The following BAZ2B variants were observed in gnomAD, a reference collection of about 807,000 sequenced individuals.
BAZ2B encodes the protein bromodomain adjacent to zinc finger domain protein 2B.
A neutral mutation model predicts 246.0 loss-of-function variants in BAZ2B; 91 were observed. The observed-to-expected ratio is 0.37, with a 90% CI of 0.31 to 0.44. BAZ2B has a LOEUF of 0.44. Among genes scored for constraint, BAZ2B ranks in the 20% least tolerant of loss-of-function variants. The pLI, the probability that BAZ2B is intolerant of heterozygous loss-of-function variation, is 1.00. For synonymous variants in BAZ2B, 855 were observed against 860.0 expected, an observed-to-expected ratio of 0.99 and a Z score of 0.10; for missense variants, 2,332 against 2,533.7, an observed-to-expected ratio of 0.92 and a Z score of 1.71.
intron 3 of BAZ2B, among the ~76,000 whole-genome samples, chr2:159,456,065 T>C (rs975745101): frequency 6.6e-6 from 1 of 151,994 alleles, no homozygotes; most frequent in Admixed American, 6.6e-5. Context: ...AAATAACAAT[T>C]CCTAAATTAT....
rs780010990 is a variant in BAZ2B, at chr2:159,439,079, T to C, written c.830A>G (p.Gln277Arg). ...DLEEDEEEED[Q>R]SIEESEDDDS... ...ATCATCTTCACTTTCTTCAATACTT[T>C]GATCTTCTTCTTCTTCATCTTCTTC... is the stretch of plus-strand genomic sequence containing the variant. The change falls in exon 7 of 37, where the codon CAA (glutamine) becomes CGA (arginine). Residue 277 changes from glutamine to arginine, a missense_variant. Physicochemically the swap from Gln to Arg is conservative, Grantham distance 43 (BLOSUM62 1). Coordinates refer to ENST00000392783, the MANE Select transcript of BAZ2B (RefSeq NM_013450.4). 1 of 1,613,952 alleles carries C rather than the reference T, an allele frequency of 6.2e-7. No individual in the cohort carries two copies. Among genetic ancestry groups the C allele is most frequent in the Admixed American group, 1.7e-5 (1 of 60,026 alleles).
chr2:159,594,916 AGC>A (rs780876200), intron 1 of BAZ2B, among the ~76,000 whole-genome samples: 10 of 152,044 alleles, frequency 6.6e-5, no homozygotes, highest in Non-Finnish European at 1.2e-4. Flanking sequence ...TACAGGCCCA[AGC>A]CACCGGGCAT....
chr2:159,581,732 C>G (rs557562711), intron 1 of BAZ2B, among the ~76,000 whole-genome samples: 134 of 151,954 alleles, frequency 8.8e-4, no homozygotes, highest in Non-Finnish European at 1.4e-3. Flanking sequence ...CCATGGAATA[C>G]TATGCAGCCA....
the BAZ2B span, among the ~76,000 whole-genome samples, chr2:159,681,221 G>A: frequency 6.6e-6 from 1 of 151,894 alleles, no homozygotes; most frequent in South Asian, 2.1e-4. Flanking sequence ...AAATCTTATG[G>A]CAAAACAGCT....
intron 2 of BAZ2B, among the ~76,000 whole-genome samples, chr2:159,495,433 C>G (rs988761678): frequency 1.5e-5 from 2 of 129,734 alleles, no homozygotes; most frequent in Non-Finnish European, 3.1e-5. Context: ...TGCAGTGAGC[C>G]GAGATCGCGC....
At chr2:159,335,101 T>C (rs1158591821) in intron 33 of BAZ2B, among the ~76,000 whole-genome samples, 1 of 152,148 alleles carries the variant, frequency 6.6e-6, no homozygotes, top group Non-Finnish European at 1.5e-5. Context: ...TTTCTCTCTC[T>C]TTTTTAAAAA....
chr2:159,493,747 A>T (rs1204911356), intron 2 of BAZ2B, among the ~76,000 whole-genome samples: 1 of 152,204 alleles, frequency 6.6e-6, no homozygotes, highest in Non-Finnish European at 1.5e-5. Context: ...TTACTTCTCA[A>T]ATGTTTCCAC....
intron 1 of BAZ2B, among the ~76,000 whole-genome samples, chr2:159,563,603 T>C (rs1201621292): frequency 2.0e-5 from 3 of 152,160 alleles, no homozygotes; most frequent in African/African-American, 7.2e-5. Flanking sequence ...TCTACACATA[T>C]GTGGTACCCA....
intron 1 of BAZ2B, among the ~76,000 whole-genome samples, chr2:159,574,590 T>C (rs1307098691): frequency 6.6e-6 from 1 of 152,178 alleles, no homozygotes; most frequent in Non-Finnish European, 1.5e-5. Flanking sequence ...TGTACATGAA[T>C]GTTCACAGCA....
chr2:159,678,595 G>A, the BAZ2B span, among the ~76,000 whole-genome samples: 1 of 152,160 alleles, frequency 6.6e-6, no homozygotes, highest in African/African-American at 2.4e-5. Flanking sequence ...GAGTCCAGGA[G>A]TTAGAGGACA....
the BAZ2B span, among the ~76,000 whole-genome samples, chr2:159,652,259 G>A: frequency 4.0e-5 from 6 of 151,040 alleles, no homozygotes; most frequent in African/African-American, 9.7e-5. Flanking sequence ...GCCCAGGCTG[G>A]AGTGCAATGG....
At chr2:159,704,721 G>T in the BAZ2B span, among the ~76,000 whole-genome samples, 1 of 151,690 alleles carries the variant, frequency 6.6e-6, no homozygotes, top group Non-Finnish European at 1.5e-5. Flanking sequence ...AATTCAGGTG[G>T]TCCACCCGCC....
the BAZ2B span, among the ~76,000 whole-genome samples, chr2:159,704,125 A>C: frequency 6.6e-6 from 1 of 152,214 alleles, no homozygotes; most frequent in Admixed American, 6.5e-5. Context: ...CTGAAGCTCC[A>C]TGGTAAGAAA....
chr2:159,368,826 T>C (rs933427395), intron 27 of BAZ2B, among the ~76,000 whole-genome samples: 3 of 138,964 alleles, frequency 2.2e-5, no homozygotes, highest in South Asian at 2.2e-4. Context: ...AGGTCTAATA[T>C]GTAAATTCAA....
intron 1 of BAZ2B, among the ~76,000 whole-genome samples, chr2:159,590,188 A>G (rs1482344949): frequency 3.7e-4 from 3 of 8,012 alleles, no homozygotes; most frequent in Non-Finnish European, 1.1e-3. Context: ...ACTCCATCTC[A>G]AAAAAAAAAA....
At chr2:159,698,224 T>C in the BAZ2B span, among the ~76,000 whole-genome samples, 1 of 152,064 alleles carries the variant, frequency 6.6e-6, no homozygotes, top group Non-Finnish European at 1.5e-5. Flanking sequence ...CTACTTAGTA[T>C]AAAAATATTT....
At chr2:159,402,893 C>T (rs1020957547) in intron 16 of BAZ2B, among the ~76,000 whole-genome samples, 1 of 152,104 alleles carries the variant, frequency 6.6e-6, no homozygotes, top group Admixed American at 6.5e-5. Flanking sequence ...CATTTAATAT[C>T]TTGTCAATCA....
intron 2 of BAZ2B, among the ~76,000 whole-genome samples, chr2:159,512,952 A>C (rs1225463911): frequency 6.6e-6 from 1 of 152,198 alleles, no homozygotes. Flanking sequence ...GAAGTCTAAA[A>C]AATTTTTAAT....
At chr2:159,686,120 G>T in the BAZ2B span, among the ~76,000 whole-genome samples, 1 of 152,024 alleles carries the variant, frequency 6.6e-6, no homozygotes, top group African/African-American at 2.4e-5. Context: ...AAAATAGTTA[G>T]CTGAGTGTAG....
Sources: allele counts gnomAD v4.1 joint callset (sites outside exome capture counted in the v4.1 genomes callset), GRCh38; gene constraint gnomAD v4.1.1; transcripts MANE v1.5; gene names NCBI Gene and HGNC (gene_info 2026-07-23, HGNC 2026-07-21).